The following CACNA2D3 variants were observed in gnomAD, a reference collection of about 807,000 sequenced individuals.
The protein encoded by CACNA2D3 is voltage-dependent calcium channel subunit alpha-2/delta-3.
CACNA2D3 carries 60 observed loss-of-function variants against 160.6 expected under a neutral mutation model. The ratio of observed to expected loss-of-function variants is 0.37; its 90% CI spans 0.30 to 0.46. CACNA2D3 has a LOEUF of 0.46. CACNA2D3 is among the 20% of genes least tolerant of loss of function. The pLI is 1.00. For missense variants in CACNA2D3, 1,205 were observed against 1,365.0 expected (o/e 0.88, Z 1.85); for synonymous variants, 558 against 492.9 (o/e 1.13, Z -1.75).
chr3:55,064,116 G>T (rs749200208), intron 35 of CACNA2D3, among the ~76,000 whole-genome samples: 1 of 152,186 alleles, frequency 6.6e-6, no homozygotes, highest in Non-Finnish European at 1.5e-5. Flanking sequence ...CAGCTCAGCA[G>T]CCGCAGGGCT....
intron 2 of CACNA2D3, among the ~76,000 whole-genome samples, chr3:54,155,279 G>C (rs148824029): frequency 6.2e-4 from 94 of 152,312 alleles, no homozygotes; most frequent in Non-Finnish European, 1.2e-3. Flanking sequence ...CACAAAGCCT[G>C]CTGGGCTCAG....
chr3:54,893,874 A>T (rs17252966), intron 25 of CACNA2D3, among the ~76,000 whole-genome samples: 42,679 of 151,950 alleles, frequency 0.28, 6,301 homozygotes, highest in African/African-American at 0.34. Context: ...GCCTTAAGTT[A>T]AGAAGATGAC....
At chr3:55,016,539 A>G (rs1387192689) in intron 34 of CACNA2D3, among the ~76,000 whole-genome samples, 1 of 152,212 alleles carries the variant, frequency 6.6e-6, no homozygotes, top group Non-Finnish European at 1.5e-5. Context: ...AACATTTGCT[A>G]ATGACTAGCA....
chr3:54,693,263 A>G (rs941157954), intron 11 of CACNA2D3, among the ~76,000 whole-genome samples: 1 of 152,252 alleles, frequency 6.6e-6, no homozygotes, highest in African/African-American at 2.4e-5. Context: ...TGCTCTGCAT[A>G]ACGATGTTCC....
At chr3:54,867,965 A>G (rs761127385) in intron 17 of CACNA2D3, among the ~76,000 whole-genome samples, 15 of 148,000 alleles carry the variant, frequency 1.0e-4, no homozygotes, top group Non-Finnish European at 1.8e-4. Context: ...GTGGTGCCCA[A>G]GGAGTTCCCT....
chr3:54,791,087 C>T (rs1240114783), intron 13 of CACNA2D3, among the ~76,000 whole-genome samples: 3 of 151,980 alleles, frequency 2.0e-5, no homozygotes, highest in African/African-American at 7.3e-5. Context: ...GATGTTCCTC[C>T]AAGAAGAGTT....
chr3:54,493,858 G>T (rs1701155290), intron 4 of CACNA2D3, among the ~76,000 whole-genome samples: 1 of 152,194 alleles, frequency 6.6e-6, no homozygotes, highest in African/African-American at 2.4e-5. Context: ...TGCCACAACA[G>T]TACAGGTGAA....
At chr3:54,463,468 C>T (rs1002873250) in intron 4 of CACNA2D3, among the ~76,000 whole-genome samples, 9 of 152,110 alleles carry the variant, frequency 5.9e-5, no homozygotes, top group Admixed American at 1.3e-4. Flanking sequence ...AGGCTTTGTT[C>T]ATTTCTTTTT....
rs1156290031 is a variant in CACNA2D3 at position 54,602,497 on chromosome 3, CAAAAAAAA to C, written c.963+20637_963+20644del. Among the ~76,000 whole-genome samples the C allele has an allele frequency of 7.4e-4, 53 of 71,184 alleles. 1 individual carries two copies. Among genetic ancestry groups the C allele is most frequent in the Admixed American group, 6.4e-3 (36 of 5,584 alleles). The allele number at this position is 71,184 out of a possible 152,430, so 46.7% of individuals were successfully genotyped here. A position where few individuals can be genotyped will look rare whatever the true frequency, so the allele number is the denominator to read the frequency against. ...TGGGCGACAGAGCGAGATTCCATCTCAAAAAAAAAAAAAAAAAAAAAAAAGGGAAAAAA... is the reference window on the plus strand; with the variant it reads ...TGGGCGACAGAGCGAGATTCCATCTCAAAAAAAAAAAAAAAAGGGAAAAAA... On this transcript the variant is annotated intron_variant, in intron 9 of 37. Transcript: ENST00000474759.
chr3:54,398,165 G>T (rs1350847414), intron 4 of CACNA2D3, among the ~76,000 whole-genome samples: 1 of 129,876 alleles, frequency 7.7e-6, no homozygotes, highest in Admixed American at 8.4e-5. Context: ...TTTTCCATTG[G>T]CTAGGTAGAT....
At chr3:54,316,418 A>T (rs1000077436) in intron 2 of CACNA2D3, among the ~76,000 whole-genome samples, 4 of 152,224 alleles carry the variant, frequency 2.6e-5, no homozygotes, top group African/African-American at 9.6e-5. Context: ...GTAAGGCATT[A>T]TATTTTTCTA....
chr3:54,326,544 A>AT (rs1199467420), intron 3 of CACNA2D3, among the ~76,000 whole-genome samples: 1 of 152,216 alleles, frequency 6.6e-6, no homozygotes, highest in African/African-American at 2.4e-5. Flanking sequence ...CATTGTGAAA[A>AT]TTGTGTTTGA....
chr3:54,840,483 T>C (rs1408114191), intron 16 of CACNA2D3, among the ~76,000 whole-genome samples: 7 of 132,952 alleles, frequency 5.3e-5, no homozygotes, highest in South Asian at 2.6e-4. Context: ...CCGTCTCAGC[T>C]CACTGCAACC....
intron 2 of CACNA2D3, among the ~76,000 whole-genome samples, chr3:54,133,328 A>T (rs1239714568): frequency 6.6e-6 from 1 of 152,206 alleles, no homozygotes; most frequent in Non-Finnish European, 1.5e-5. Context: ...AGAGGATGTA[A>T]CTTTGCCCCA....
At chr3:54,299,592 A>G (rs1183027708) in intron 2 of CACNA2D3, among the ~76,000 whole-genome samples, 1 of 152,222 alleles carries the variant, frequency 6.6e-6, no homozygotes, top group African/African-American at 2.4e-5. Flanking sequence ...AAAGCATTCA[A>G]TTAACGAGAG....
chr3:54,722,157 A>C (rs1018701311), intron 11 of CACNA2D3, among the ~76,000 whole-genome samples: 2 of 152,044 alleles, frequency 1.3e-5, no homozygotes, highest in African/African-American at 4.8e-5. Flanking sequence ...TATTTCATTA[A>C]GTTGGTTTTC....
chr3:54,213,053 G>A (rs556430664), intron 2 of CACNA2D3, among the ~76,000 whole-genome samples: 1 of 152,210 alleles, frequency 6.6e-6, no homozygotes, highest in South Asian at 2.1e-4. Flanking sequence ...ATGAGCCAAG[G>A]TCAGAATCTC....
At chr3:54,516,090 G>T (rs983068338) in intron 5 of CACNA2D3, among the ~76,000 whole-genome samples, 1 of 152,210 alleles carries the variant, frequency 6.6e-6, no homozygotes, top group Non-Finnish European at 1.5e-5. Flanking sequence ...TGGGCCAGGG[G>T]TTCCTTGTAG....
At chr3:54,297,139 A>G (rs1224040300) in intron 2 of CACNA2D3, among the ~76,000 whole-genome samples, 1 of 152,168 alleles carries the variant, frequency 6.6e-6, no homozygotes, top group East Asian at 1.9e-4. Flanking sequence ...TTTCCCTTCT[A>G]CAAGCCAGCT....
Sources: gnomAD v4.1 joint callset for allele counts (sites outside exome capture counted in the v4.1 genomes callset) on GRCh38, gnomAD v4.1.1 for gene constraint, MANE v1.5 for transcripts, NCBI Gene and HGNC (gene_info 2026-07-23, HGNC 2026-07-21) for gene names.